ARHGEF11: variants seen among roughly 807,000 people sequenced by gnomAD.
ARHGEF11 encodes Rho guanine exchange factor (GEF) 11.
A neutral mutation model predicts 193.7 loss-of-function variants in ARHGEF11; 55 were observed. The observed-to-expected ratio is 0.28, with a 90% CI of 0.23 to 0.36. The LOEUF is 0.36. Ranked by LOEUF, ARHGEF11 falls within the 10% of genes least tolerant of loss-of-function variation. The probability of loss-of-function intolerance (pLI) is 1.00; values close to 1 mark genes in which losing one functional copy is unlikely to be tolerated. For synonymous variants in ARHGEF11, 693 were observed against 768.0 expected (o/e 0.90, Z 1.62); for missense variants, 1,723 against 2,005.6 (o/e 0.86, Z 2.69).
At position 157,045,307 on chromosome 1, in the gene ARHGEF11, C is replaced by T. The variant is rs1270462802; in HGVS notation, c.-977G>A. ...TTCCTGAGTTAGTTCTGCTGTTGGG[C>T]TCCTCCACATCCAGGCTCCGAAATT... On this transcript the variant is annotated 5_prime_UTR_variant, in exon 1 of 41. Coordinates refer to ENST00000368194, the MANE Select transcript of ARHGEF11 (RefSeq NM_198236.3). The T allele has an allele frequency of 6.6e-6, 1 of 152,296 alleles. No individual in the cohort carries two copies. The highest frequency in any genetic ancestry group is 2.4e-5 in the African/African-American group (1 of 41,440). The allele number at this position is 152,296 out of a possible 1,614,324, so 9.4% of individuals were successfully genotyped here.
intron 2 of ARHGEF11, chr1:156,985,855 T>C (rs1664844628): frequency 6.7e-6 from 3 of 446,468 alleles, no homozygotes; most frequent in South Asian, 2.7e-5. Context: ...GCTCCATTTC[T>C]GACCTGGGTC....
intron 11 of ARHGEF11, among the ~76,000 whole-genome samples, chr1:156,964,240 C>G (rs1661388757): frequency 6.6e-6 from 1 of 152,144 alleles, no homozygotes; most frequent in Non-Finnish European, 1.5e-5. Flanking sequence ...CTTTCTTTCC[C>G]CCTTACGCTA....
intron 1 of ARHGEF11, among the ~76,000 whole-genome samples, chr1:157,034,185 G>A (rs1557987232): frequency 6.6e-6 from 1 of 152,230 alleles, no homozygotes; most frequent in Non-Finnish European, 1.5e-5. Context: ...TGCACACAAG[G>A]TCCCATTCAC....
At chr1:157,007,913 GTT>G (rs10580966) in intron 1 of ARHGEF11, among the ~76,000 whole-genome samples, 233 of 118,842 alleles carry the variant, frequency 2.0e-3, no homozygotes, top group Admixed American at 7.6e-3. Flanking sequence ...TTTTTTTTTT[GTT>G]TTTTTTTTTT....
At chr1:156,953,152 A>G (rs1185296537) in intron 21 of ARHGEF11, among the ~76,000 whole-genome samples, 1 of 152,260 alleles carries the variant, frequency 6.6e-6, no homozygotes, top group Admixed American at 6.5e-5. Context: ...TTTTAAAAAG[A>G]GCAAAGTGGC....
intron 1 of ARHGEF11, among the ~76,000 whole-genome samples, chr1:157,012,520 A>G (rs1244762917): frequency 6.6e-6 from 1 of 152,234 alleles, no homozygotes; most frequent in Non-Finnish European, 1.5e-5. Flanking sequence ...CAAAATGAAC[A>G]AAGAACCAGC....
intron 18 of ARHGEF11, among the ~76,000 whole-genome samples, chr1:156,957,369 A>G (rs1660102051): frequency 6.6e-6 from 1 of 152,220 alleles, no homozygotes; most frequent in Non-Finnish European, 1.5e-5. Context: ...GTGCCAAGAA[A>G]GGAACTATGC....
At chr1:156,983,309 G>A (rs989871713) in intron 3 of ARHGEF11, among the ~76,000 whole-genome samples, 5 of 152,036 alleles carry the variant, frequency 3.3e-5, no homozygotes, top group Admixed American at 6.5e-5. Flanking sequence ...CGCAAGCTCC[G>A]GCCACGGGTT....
intron 1 of ARHGEF11, among the ~76,000 whole-genome samples, chr1:157,002,043 GAT>G (rs1241438747): frequency 6.6e-6 from 1 of 152,196 alleles, no homozygotes; most frequent in Non-Finnish European, 1.5e-5. Context: ...GCATGTATGG[GAT>G]TGGGAAGCGG....
intron 1 of ARHGEF11, among the ~76,000 whole-genome samples, chr1:156,987,784 G>A (rs1046108319): frequency 3.0e-4 from 46 of 152,112 alleles, no homozygotes; most frequent in Non-Finnish European, 5.6e-4. Context: ...AGAAGAGAGC[G>A]TGGGCCCAGG....
At chr1:156,974,839 T>C (rs1378985739) in intron 7 of ARHGEF11, among the ~76,000 whole-genome samples, 1 of 152,258 alleles carries the variant, frequency 6.6e-6, no homozygotes, top group Non-Finnish European at 1.5e-5. Context: ...CATTTATTAG[T>C]ACTTCTTTCT....
At chr1:157,003,392 G>C (rs1667431070) in intron 1 of ARHGEF11, among the ~76,000 whole-genome samples, 2 of 152,214 alleles carry the variant, frequency 1.3e-5, no homozygotes, top group South Asian at 2.1e-4. Flanking sequence ...GGAGGGCAGG[G>C]ACTAGGGCTG....
At chr1:156,979,095 A>C in intron 5 of ARHGEF11, 134 bp downstream of exon 5, 1 of 776,848 alleles carries the variant, frequency 1.3e-6, no homozygotes, top group Non-Finnish European at 2.2e-6. Context: ...TTACGATTAA[A>C]GATGTGACTT....
At chr1:157,042,402 T>A (rs1571636346) in intron 1 of ARHGEF11, among the ~76,000 whole-genome samples, 1 of 152,024 alleles carries the variant, frequency 6.6e-6, no homozygotes, top group African/African-American at 2.4e-5. Context: ...AGAAGCCTAG[T>A]TAGACATGAT....
chr1:157,045,289 G>C lies in ARHGEF11; in HGVS notation c.-959C>G, dbSNP rs1411995276. Reference sequence around the variant, plus strand: ...CTTTTTCTGAAAGACAATTTCCTGAGTTAGTTCTGCTGTTGGGCTCCTCCA... The same window carrying C: ...CTTTTTCTGAAAGACAATTTCCTGACTTAGTTCTGCTGTTGGGCTCCTCCA... On this transcript the variant is annotated 5_prime_UTR_variant, in exon 1 of 41. Transcript: ENST00000368194. 3 of 152,174 alleles carry C rather than the reference G, an allele frequency of 2.0e-5. No individual in the cohort carries two copies. The highest frequency in any genetic ancestry group is 4.4e-5 in the Non-Finnish European group (3 of 68,070). The allele number at this position is 152,174 out of a possible 1,614,324, so 9.4% of individuals were successfully genotyped here.
chr1:156,954,507 C>T (rs376227737), intron 21 of ARHGEF11, among the ~76,000 whole-genome samples: 3 of 151,688 alleles, frequency 2.0e-5, no homozygotes, highest in Admixed American at 2.0e-4. Flanking sequence ...GGACCCTCAT[C>T]CTTGGAGATG....
At chr1:157,005,304 C>G (rs867898585) in intron 1 of ARHGEF11, among the ~76,000 whole-genome samples, 39 of 152,252 alleles carry the variant, frequency 2.6e-4, no homozygotes, top group Middle Eastern at 3.4e-3. Flanking sequence ...CCCCCCAACC[C>G]CCATAATGTT....
rs527463522 is a variant in ARHGEF11, at chr1:156,993,064, C to T, written c.33-6891G>A. Reference sequence around the variant, plus strand: ...ATGATAAAGTTCTTACTACTTACCACGTGCTGTGCTAAGCACTTGATATAA... The same window carrying T: ...ATGATAAAGTTCTTACTACTTACCATGTGCTGTGCTAAGCACTTGATATAA... On this transcript the variant is annotated intron_variant, in intron 1 of 40. Transcript: ENST00000368194. Among the ~76,000 whole-genome samples, 4 of 152,318 alleles carry T rather than the reference C, an allele frequency of 2.6e-5. No individual in the cohort carries two copies. The South Asian group carries it at 6.2e-4, about 24-fold the overall frequency.
chr1:157,022,911 T>C (rs929154356), intron 1 of ARHGEF11, among the ~76,000 whole-genome samples: 2 of 152,134 alleles, frequency 1.3e-5, no homozygotes, highest in African/African-American at 4.8e-5. Flanking sequence ...GAAAGAATAG[T>C]TTTTTCAACA....
Sources: allele counts gnomAD v4.1 joint callset (sites outside exome capture counted in the v4.1 genomes callset), GRCh38; gene constraint gnomAD v4.1.1; transcripts MANE v1.5; gene names NCBI Gene and HGNC (gene_info 2026-07-23, HGNC 2026-07-21).